KIAA0825: variants seen among roughly 807,000 people sequenced by gnomAD.
KIAA0825 encodes uncharacterized protein KIAA0825.
In KIAA0825, 119 loss-of-function variants were observed where a neutral mutation model predicts 147.6. The ratio of observed to expected loss-of-function variants is 0.81; its 90% CI spans 0.69 to 0.94. The LOEUF (loss-of-function observed/expected upper bound fraction) is 0.94. Among genes scored for constraint, KIAA0825 ranks in the 40% least tolerant of loss-of-function variants. The probability of loss-of-function intolerance (pLI) is 0.00; values close to 1 mark genes in which losing one functional copy is unlikely to be tolerated. For missense variants in KIAA0825, 1,381 were observed against 1,472.7 expected (o/e 0.94, Z 1.02); for synonymous variants, 470 against 518.1 (o/e 0.91, Z 1.26).
At position 94,402,763 on chromosome 5, in the gene KIAA0825, A is replaced by AAAC. The variant is rs543693470; in HGVS notation, c.2887+805_2887+806insGTT. Among the ~76,000 whole-genome samples the AAAC allele has an allele frequency of 2.2e-3, 329 of 151,662 alleles. 1 individual carries two copies. Among genetic ancestry groups the AAAC allele is most frequent in the African/African-American group, 6.5e-3 (270 of 41,486 alleles). ...TCTAGTTTCTCTAGAAAAACTAGAG[A>AAAC]AAGTTTCCTTAGAGTTAGTGAAAAT... On this transcript the variant is annotated intron_variant, in intron 16 of 20. Transcript: ENST00000682413.
At chr5:94,530,068 C>T (rs1420230730) in intron 3 of KIAA0825, among the ~76,000 whole-genome samples, 2 of 151,798 alleles carry the variant, frequency 1.3e-5, no homozygotes, top group African/African-American at 2.4e-5. Context: ...GTCAGGGGTT[C>T]GAGACCAGCC....
intron 3 of KIAA0825, among the ~76,000 whole-genome samples, chr5:94,528,274 T>C (rs1056246507): frequency 1.3e-5 from 2 of 152,218 alleles, no homozygotes; most frequent in Admixed American, 6.5e-5. Context: ...TCTTTCAGGA[T>C]TCCCATCTAT....
intron 8 of KIAA0825, 77 bp downstream of exon 8, chr5:94,473,215 G>C: frequency 9.0e-7 from 1 of 1,117,096 alleles, no homozygotes; most frequent in Admixed American, 2.2e-5. Context: ...TGATCTACAG[G>C]TCCTTTTTGC....
chr5:94,440,663 A>G (rs1388899894), intron 13 of KIAA0825, among the ~76,000 whole-genome samples: 1 of 152,132 alleles, frequency 6.6e-6, no homozygotes, highest in African/African-American at 2.4e-5. Flanking sequence ...AACTGCTGCT[A>G]TTAAACTGTT....
At position 94,181,916 on chromosome 5, in the gene KIAA0825, C is replaced by T. The variant is rs1769652536; in HGVS notation, c.3711-27792G>A. ...TAACTTAGCTTCTCTCCTCTCTCTG[C>T]CTTCTGGACACCAGCTGCAGGAAAC... On this transcript the variant is annotated intron_variant, in intron 20 of 20. Coordinates refer to ENST00000682413, the MANE Select transcript of KIAA0825 (RefSeq NM_001145678.3). 2.0e-5 allele frequency among the ~76,000 whole-genome samples: 3 copies of T among 152,164 alleles called. No homozygotes were observed. The South Asian group carries it at 6.2e-4, about 32-fold the overall frequency.
chr5:94,286,994 T>C (rs1270445570), intron 20 of KIAA0825, among the ~76,000 whole-genome samples: 3 of 152,050 alleles, frequency 2.0e-5, no homozygotes, highest in Non-Finnish European at 4.4e-5. Context: ...AGGACAGGAG[T>C]TGGCACAGGC....
intron 1 of KIAA0825, chr5:94,611,809 AG>A (rs925920031): frequency 1.1e-4 from 17 of 151,846 alleles, no homozygotes; most frequent in African/African-American, 4.1e-4. Flanking sequence ...TTTTTTACAT[AG>A]TGGTGCATAC....
At chr5:94,597,553 G>A (rs1472785578) in intron 1 of KIAA0825, among the ~76,000 whole-genome samples, 3 of 152,080 alleles carry the variant, frequency 2.0e-5, no homozygotes, top group African/African-American at 7.2e-5. Context: ...GGAAACAAAG[G>A]AAAGAAACCT....
chr5:94,237,395 C>A (rs1370021178), intron 20 of KIAA0825, among the ~76,000 whole-genome samples: 1 of 152,078 alleles, frequency 6.6e-6, no homozygotes, highest in African/African-American at 2.4e-5. Context: ...CGTTGCAAAG[C>A]AGGCAAAGGG....
At chr5:94,567,746 A>G (rs1584915037) in intron 2 of KIAA0825, 1 of 152,588 alleles carries the variant, frequency 6.6e-6, no homozygotes, top group Admixed American at 6.6e-5. Flanking sequence ...CCTCCTAAAC[A>G]CTAACCCTGA....
intron 5 of KIAA0825, among the ~76,000 whole-genome samples, chr5:94,488,048 T>C (rs1433394698): frequency 1.3e-5 from 2 of 152,140 alleles, no homozygotes; most frequent in African/African-American, 4.8e-5. Flanking sequence ...CTCAGCCTCC[T>C]GAGTAGCTGG....
intron 20 of KIAA0825, among the ~76,000 whole-genome samples, chr5:94,259,752 G>A (rs940122270): frequency 6.6e-6 from 1 of 151,734 alleles, no homozygotes; most frequent in African/African-American, 2.4e-5. Context: ...TAGTTTTTTG[G>A]TGCCTTTATC....
At chr5:94,593,494 T>C in intron 1 of KIAA0825, 1 of 649,426 alleles carries the variant, frequency 1.5e-6, no homozygotes, top group Non-Finnish European at 2.9e-6. Flanking sequence ...AAACTTTAGA[T>C]ATCATTATCA....
rs1562284210 is a variant in KIAA0825, at chr5:94,152,882, ATATATATATATATATATATAT to A, written c.*1104_*1124del. ...TATATATATATATATATATATATAT[ATATATATATATATATATATAT>A]GGTTTCTCCCAGACGTTCTTAGACT... is the stretch of plus-strand genomic sequence containing the variant. On this transcript the variant is annotated 3_prime_UTR_variant, in exon 21 of 21. Coordinates refer to ENST00000682413, the MANE Select transcript of KIAA0825 (RefSeq NM_001145678.3). 3.6e-4 allele frequency: 25 copies of A among 70,012 alleles called. 2 individuals are homozygous for A. The highest frequency in any genetic ancestry group is 1.8e-3 in the East Asian group (4 of 2,164). 4.3% of individuals were successfully genotyped at this position (70,012 alleles called of 1,614,324 possible). A position where few individuals can be genotyped will look rare whatever the true frequency, so the allele number is the denominator to read the frequency against.
chr5:94,604,911 G>C (rs979297903), intron 1 of KIAA0825, among the ~76,000 whole-genome samples: 1 of 151,944 alleles, frequency 6.6e-6, no homozygotes, highest in African/African-American at 2.4e-5. Flanking sequence ...CTGAACTGAA[G>C]GAGATAGAGA....
intron 20 of KIAA0825, among the ~76,000 whole-genome samples, chr5:94,161,115 T>C (rs1767542207): frequency 6.6e-6 from 1 of 152,178 alleles, no homozygotes; most frequent in Non-Finnish European, 1.5e-5. Context: ...CATACCCCAC[T>C]GCCATTAGTC....
rs189109423 is a variant in KIAA0825 at position 94,597,086 on chromosome 5, T to C, written c.-152-14503A>G. 2.7e-3 allele frequency among the ~76,000 whole-genome samples: 417 copies of C among 152,280 alleles called. 1 individual carries two copies. The highest frequency in any genetic ancestry group is 9.3e-3 in the African/African-American group (388 of 41,556). On this transcript the variant is annotated intron_variant, in intron 1 of 20. Coordinates refer to ENST00000682413, the MANE Select transcript of KIAA0825 (RefSeq NM_001145678.3). ...CTGTTTCTTTCTTTCTCTTGCCTTA[T>C]TGCTCTGTCCAGGGCTTCCAATACT...
chr5:94,329,671 C>T lies in KIAA0825; in HGVS notation c.3710+54697G>A, dbSNP rs117208750. Among the ~76,000 whole-genome samples the T allele has an allele frequency of 5.3e-4, 81 of 152,092 alleles. No homozygotes were observed. In the East Asian group the frequency reaches 9.3e-3, roughly 17 times the overall value. On this transcript the variant is annotated intron_variant, in intron 20 of 20. Transcript: ENST00000682413. ...TAAGGACTGTGAAAAGTAAATAATA[C>T]GCAAATTAGGAAGGGAAATCAAGAC...
chr5:94,425,957 C>A (rs1055531682), intron 14 of KIAA0825, among the ~76,000 whole-genome samples: 1 of 151,872 alleles, frequency 6.6e-6, no homozygotes, highest in Admixed American at 6.6e-5. Flanking sequence ...AAGTGATCCT[C>A]CCAACTCAGC....
Sources: allele counts gnomAD v4.1 joint callset (sites outside exome capture counted in the v4.1 genomes callset), GRCh38; gene constraint gnomAD v4.1.1; transcripts MANE v1.5; gene names NCBI Gene and HGNC (gene_info 2026-07-23, HGNC 2026-07-21).